The following AP3D1 variants were observed in gnomAD, a reference collection of about 807,000 sequenced individuals.
The protein encoded by AP3D1 is adaptor related protein complex 3 subunit delta 1.
AP3D1 carries 51 observed loss-of-function variants against 147.6 expected under a neutral mutation model. The observed-to-expected ratio is 0.35, with a 90% CI of 0.28 to 0.44. AP3D1 has a LOEUF of 0.44. Among genes scored for constraint, AP3D1 ranks in the 20% least tolerant of loss-of-function variants. The probability of loss-of-function intolerance (pLI) is 1.00; values close to 1 mark genes in which losing one functional copy is unlikely to be tolerated. For synonymous variants in AP3D1, 760 were observed against 663.0 expected (o/e 1.15, Z -2.25); for missense variants, 1,421 against 1,624.2 (o/e 0.87, Z 2.15).
chr19:2,162,866 G>C (rs1226313619), intron 1 of AP3D1, among the ~76,000 whole-genome samples: 1 of 151,968 alleles, frequency 6.6e-6, no homozygotes, highest in African/African-American at 2.4e-5. Context: ...AATCTGGCTG[G>C]GCAGGGAGGG....
chr19:2,111,564 G>A lies in AP3D1; in HGVS notation c.2937+115C>T, dbSNP rs554079910. 4.0e-5 allele frequency: 55 copies of A among 1,379,326 alleles called. 1 individual carries two copies. In the East Asian group the frequency reaches 5.8e-4, roughly 14 times the overall value. The allele number at this position is 1,379,326 out of a possible 1,614,324, so 85.4% of individuals were successfully genotyped here. A position where few individuals can be genotyped will look rare whatever the true frequency, so the allele number is the denominator to read the frequency against. On this transcript the variant is annotated intron_variant, in intron 25 of 31. Transcript: ENST00000643116. ...CCAGTCCCCTGCCCCCGCCAGGCTC[G>A]GCTTCTTCTCGAATCTGCTCAGTTC...
At chr19:2,142,030 A>G (rs1568305721) in intron 1 of AP3D1, among the ~76,000 whole-genome samples, 1 of 150,548 alleles carries the variant, frequency 6.6e-6, no homozygotes, top group Admixed American at 6.6e-5. Context: ...ATATATATGT[A>G]TCTTTTGAGA....
intron 1 of AP3D1, among the ~76,000 whole-genome samples, chr19:2,148,838 G>A (rs1412481487): frequency 2.6e-5 from 4 of 152,184 alleles, no homozygotes; most frequent in African/African-American, 7.2e-5. Flanking sequence ...CAAGTTTTAG[G>A]TGAAAATCTA....
chr19:2,154,275 GT>G (rs112780618), upstream of AP3D1, among the ~76,000 whole-genome samples: 42,741 of 145,158 alleles, frequency 0.29, 7,596 homozygotes, highest in Non-Finnish European at 0.41. Context: ...TTTATTTATG[GT>G]TTTTTTTTTC....
In AP3D1 at chr19:2,118,620, T is replaced by C; in HGVS notation, c.1694A>G (p.Asp565Gly). ...DRLPQFVQSA[D>G]LEVQERASCI... ...TCTTACCCGCTCCTGCACCTCCAGG[T>C]CTGCGCTCTGCACAAACTGGGGCAG... Residue 565 changes from aspartate (D) to glycine (G), a missense_variant, in exon 15 of 32, where the codon GAC becomes GGC. Coordinates refer to ENST00000643116, the MANE Select transcript of AP3D1 (RefSeq NM_001261826.3). 1 of 1,610,590 alleles carries C rather than the reference T, an allele frequency of 6.2e-7. No homozygotes were observed. Among genetic ancestry groups the C allele is most frequent in the Non-Finnish European group, 8.5e-7 (1 of 1,179,906 alleles).
chr19:2,164,169 G>C (rs2144619833), intron 1 of AP3D1: 1 of 1,221,986 alleles, frequency 8.2e-7, no homozygotes, highest in Non-Finnish European at 1.0e-6. Flanking sequence ...ATGGTGCGGC[G>C]GCCGCGCGCG....
intron 1 of AP3D1, among the ~76,000 whole-genome samples, chr19:2,157,441 CAAAA>C (rs137939397): frequency 1.6e-4 from 16 of 101,128 alleles, no homozygotes; most frequent in African/African-American, 7.6e-4. Context: ...GACTCCGTCT[CAAAA>C]AAAAAAAAAA....
In AP3D1 at chr19:2,120,905, C is replaced by G; in HGVS notation, c.1438G>C (p.Glu480Gln). The G allele has an allele frequency of 6.2e-7, 1 of 1,611,372 alleles. No individual in the cohort carries two copies. Among genetic ancestry groups the G allele is most frequent in the Non-Finnish European group, 8.5e-7 (1 of 1,180,016 alleles). The change falls in exon 14 of 32, where the codon GAG (glutamate) becomes CAG (glutamine). Residue 480 changes from glutamate to glutamine, a missense_variant. Transcript: ENST00000643116. ...ASSTQRNGIC[E>Q]VLYAAAWICG... ...ATCCAGGCGGCAGCGTACAGCACCT[C>G]ACAGATCCCGTTCCGCTGGGTGCTG...
chr19:2,112,526 G>A (rs2018312647), intron 24 of AP3D1: 2 of 238,238 alleles, frequency 8.4e-6, no homozygotes, highest in African/African-American at 2.3e-5. Context: ...GAGAAGTAAC[G>A]GCTGGTGGGA....
At chr19:2,127,721 T>A (rs921438837) in intron 8 of AP3D1, among the ~76,000 whole-genome samples, 1 of 152,190 alleles carries the variant, frequency 6.6e-6, no homozygotes, top group African/African-American at 2.4e-5. Context: ...GAGACGGGGT[T>A]TCACCATGTT....
chr19:2,123,798 A>AC, intron 10 of AP3D1, 32 bp downstream of exon 10: 1 of 1,554,440 alleles, frequency 6.4e-7, no homozygotes. Flanking sequence ...GCAGTGTGGG[A>AC]CCCCATGGGC....
chr19:2,141,736 G>A (rs1432449956), intron 1 of AP3D1, among the ~76,000 whole-genome samples: 1 of 150,952 alleles, frequency 6.6e-6, no homozygotes, highest in Non-Finnish European at 1.5e-5. Context: ...CACCATGCCC[G>A]GCCTTTTTTT....
intron 1 of AP3D1, among the ~76,000 whole-genome samples, chr19:2,140,791 G>A (rs1206759653): frequency 5.8e-5 from 7 of 121,336 alleles, no homozygotes; most frequent in African/African-American, 1.3e-4. Flanking sequence ...ACGGAGTCTC[G>A]CTCTGATGCC....
At chr19:2,111,021 G>A (rs1186943977) in intron 26 of AP3D1, 125 bp from the exon 27 acceptor site, 25 of 1,150,468 alleles carry the variant, frequency 2.2e-5, no homozygotes, top group East Asian at 2.6e-5. Flanking sequence ...CACGGAGAGG[G>A]GCGCCCCCTA....
chr19:2,125,195 A>G (rs939343735), intron 9 of AP3D1, among the ~76,000 whole-genome samples: 3 of 152,256 alleles, frequency 2.0e-5, no homozygotes, highest in Non-Finnish European at 4.4e-5. Context: ...CCCTGGACAG[A>G]AAGTCTACAT....
chr19:2,163,682 C>A (rs1326732360), intron 1 of AP3D1, among the ~76,000 whole-genome samples: 1 of 152,060 alleles, frequency 6.6e-6, no homozygotes. Context: ...CCGACGGGCC[C>A]GCCCACAGGG....
chr19:2,110,522 C>G (rs570761838), intron 27 of AP3D1, among the ~76,000 whole-genome samples, 185 bp downstream of exon 27: 1 of 152,268 alleles, frequency 6.6e-6, no homozygotes, highest in East Asian at 1.9e-4. Context: ...CCAGGTCCAT[C>G]CGAGGCCATT....
intron 18 of AP3D1, 68 bp from the exon 19 acceptor site, chr19:2,115,681 G>C (rs529575877): frequency 6.6e-7 from 1 of 1,515,532 alleles, no homozygotes; most frequent in African/African-American, 1.4e-5. Context: ...CAAGCCTCGG[G>C]GATGCAGGGA....
chr19:2,128,161 C>A (rs2018813284), intron 8 of AP3D1, among the ~76,000 whole-genome samples: 1 of 152,142 alleles, frequency 6.6e-6, no homozygotes, highest in African/African-American at 2.4e-5. Context: ...CCTGGCTCCG[C>A]CTCAGCACTT....
Sources: allele counts gnomAD v4.1 joint callset (sites outside exome capture counted in the v4.1 genomes callset), GRCh38; gene constraint gnomAD v4.1.1; transcripts MANE v1.5; gene names NCBI Gene and HGNC (gene_info 2026-07-23, HGNC 2026-07-21).